RELCH: variants seen among roughly 807,000 people sequenced by gnomAD.
The protein encoded by RELCH is RAB11-binding protein RELCH.
In RELCH, 41 loss-of-function variants were observed where a neutral mutation model predicts 150.3. The ratio of observed to expected loss-of-function variants is 0.27; its 90% CI spans 0.21 to 0.35. RELCH has a LOEUF of 0.35. Ranked by LOEUF, RELCH falls within the 10% of genes least tolerant of loss-of-function variation. The probability of loss-of-function intolerance (pLI) is 1.00; values close to 1 mark genes in which losing one functional copy is unlikely to be tolerated. For missense variants in RELCH, 1,092 were observed against 1,467.8 expected (o/e 0.74, Z 4.18); for synonymous variants, 478 against 531.8 (o/e 0.90, Z 1.39).
At chr18:62,238,314 T>C (rs575716634) in intron 10 of RELCH, among the ~76,000 whole-genome samples, 144 of 152,126 alleles carry the variant, frequency 9.5e-4, no homozygotes, top group African/African-American at 3.2e-3. Flanking sequence ...AAGTAAAAGA[T>C]GGACTGATTT....
At chr18:62,239,004 A>G (rs2042009165) in intron 10 of RELCH, among the ~76,000 whole-genome samples, 1 of 152,118 alleles carries the variant, frequency 6.6e-6, no homozygotes, top group African/African-American at 2.4e-5. Context: ...TGTTTCCTTC[A>G]TGGAAACCTT....
intron 1 of RELCH, among the ~76,000 whole-genome samples, chr18:62,193,229 G>C (rs2148180880): frequency 6.6e-6 from 1 of 152,262 alleles, no homozygotes; most frequent in African/African-American, 2.4e-5. Flanking sequence ...TGTATCCTGA[G>C]ACTTTGCTGT....
chr18:62,280,477 G>C (rs749438760), intron 23 of RELCH, 169 bp from the exon 24 acceptor site: 3 of 1,583,160 alleles, frequency 1.9e-6, no homozygotes, highest in East Asian at 2.2e-5. Context: ...AAGTTATCCT[G>C]TCTGTCTTTT....
intron 1 of RELCH, among the ~76,000 whole-genome samples, chr18:62,192,212 C>T (rs930823187): frequency 3.3e-5 from 5 of 152,174 alleles, no homozygotes; most frequent in Admixed American, 2.6e-4. Context: ...AATGTCCATT[C>T]GTGTCCTTTG....
chr18:62,198,364 A>G (rs1387376311), intron 1 of RELCH, among the ~76,000 whole-genome samples: 1 of 152,172 alleles, frequency 6.6e-6, no homozygotes, highest in Non-Finnish European at 1.5e-5. Context: ...TGATCTAGTC[A>G]TGGAGCATGA....
chr18:62,288,703 C>T (rs138135371), intron 26 of RELCH, among the ~76,000 whole-genome samples: 9 of 152,102 alleles, frequency 5.9e-5, no homozygotes, highest in Admixed American at 5.9e-4. Context: ...CTATTCATGT[C>T]TTCTATAAGT....
At chr18:62,295,314 G>A (rs2045351538) in intron 27 of RELCH, among the ~76,000 whole-genome samples, 1 of 142,342 alleles carries the variant, frequency 7.0e-6, no homozygotes, top group African/African-American at 2.7e-5. Context: ...CCCCAGCCTG[G>A]TGTGTTTTTT....
At chr18:62,248,585 C>G (rs1439400525) in intron 11 of RELCH, among the ~76,000 whole-genome samples, 1 of 152,128 alleles carries the variant, frequency 6.6e-6, no homozygotes, top group South Asian at 2.1e-4. Context: ...ATATGCCATG[C>G]TTGATTTCTC....
chr18:62,282,092 A>G (rs1385124084), intron 24 of RELCH, among the ~76,000 whole-genome samples: 1 of 152,094 alleles, frequency 6.6e-6, no homozygotes, highest in African/African-American at 2.4e-5. Context: ...GTATTTTTTA[A>G]TTAAGAATTT....
intron 20 of RELCH, among the ~76,000 whole-genome samples, chr18:62,270,189 G>A (rs903396239): frequency 2.6e-5 from 4 of 152,098 alleles, no homozygotes; most frequent in African/African-American, 9.7e-5. Flanking sequence ...AGTGGCTAAC[G>A]CCTCCCAAGA....
At chr18:62,223,643 C>T (rs2041020767) in intron 5 of RELCH, among the ~76,000 whole-genome samples, 1 of 152,002 alleles carries the variant, frequency 6.6e-6, no homozygotes, top group South Asian at 2.1e-4. Context: ...ATTACAGGCT[C>T]ATTTCCTTTA....
chr18:62,207,162 A>T (rs757391538), intron 1 of RELCH, among the ~76,000 whole-genome samples: 1 of 152,054 alleles, frequency 6.6e-6, no homozygotes, highest in Non-Finnish European at 1.5e-5. Flanking sequence ...CTCAACCCCC[A>T]ATCACTAATC....
chr18:62,235,701 G>A (rs1318810066), intron 10 of RELCH, among the ~76,000 whole-genome samples: 1 of 151,866 alleles, frequency 6.6e-6, no homozygotes, highest in Non-Finnish European at 1.5e-5. Context: ...TGTTCTCTTG[G>A]ATGGTATTGT....
At chr18:62,269,298 C>G in intron 20 of RELCH, 1 of 361,436 alleles carries the variant, frequency 2.8e-6, no homozygotes, top group South Asian at 2.2e-5. Flanking sequence ...CTGTAGAACA[C>G]TATACCTTAT....
intron 4 of RELCH, 30 bp from the exon 5 acceptor site, chr18:62,221,354 T>C: frequency 6.5e-7 from 1 of 1,545,206 alleles, no homozygotes; most frequent in Non-Finnish European, 8.9e-7. Flanking sequence ...ATACTTATGA[T>C]TTCCTGTTTG....
At position 62,187,495 on chromosome 18, in the gene RELCH, G is replaced by T; in HGVS notation, c.-11G>T. 6.6e-7 allele frequency: 1 copy of T among 1,511,520 alleles called. No homozygotes were observed. Among genetic ancestry groups the T allele is most frequent in the South Asian group, 1.4e-5 (1 of 73,734 alleles). The allele number at this position is 1,511,520 out of a possible 1,614,324, so 93.6% of individuals were successfully genotyped here. On this transcript the variant is annotated 5_prime_UTR_variant, in exon 1 of 29. Coordinates refer to ENST00000644646, the MANE Select transcript of RELCH (RefSeq NM_001346231.2). ...CAGTCAGGGAGGCGCCCACACTCCT[G>T]ACAGGATAAGATGGCGGCGATGGCG...
chr18:62,309,247 T>TAA lies in RELCH; in HGVS notation c.*3714_*3715dup, dbSNP rs200982008. ...GAGACTACATCTCAAAAAAAAAAAA[T>TAA]AATAATAGAGACAAACTACTAATCA... is the stretch of plus-strand genomic sequence containing the variant. On this transcript the variant is annotated 3_prime_UTR_variant, in exon 29 of 29. Coordinates refer to ENST00000644646, the MANE Select transcript of RELCH (RefSeq NM_001346231.2). 3 of 148,676 alleles carry TAA rather than the reference T, an allele frequency of 2.0e-5. No individual in the cohort carries two copies. Among genetic ancestry groups the TAA allele is most frequent in the South Asian group, 2.1e-4 (1 of 4,750 alleles). 9.2% of individuals were successfully genotyped at this position (148,676 alleles called of 1,614,324 possible).
intron 22 of RELCH, chr18:62,277,735 A>T (rs573594357): frequency 2.0e-5 from 18 of 894,292 alleles, no homozygotes; most frequent in Non-Finnish European, 2.3e-5. Flanking sequence ...AATCAATCAT[A>T]TTATTCCCAT....
chr18:62,227,781 C>T lies in RELCH; in HGVS notation c.1154+92C>T, dbSNP rs17069628. The T allele has an allele frequency of 0.098, 56,123 of 572,872 alleles. 3,256 individuals carry two copies. Among genetic ancestry groups the T allele is most frequent in the Middle Eastern group, 0.2 (672 of 3,322 alleles). 35.5% of individuals were successfully genotyped at this position (572,872 alleles called of 1,614,324 possible). A position where few individuals can be genotyped will look rare whatever the true frequency, so the allele number is the denominator to read the frequency against. The stretch of plus-strand genomic sequence containing the variant: ...AATATATGAAACAATATTCCAGTTG[C>T]AAGGCATAATTGCTTCACATTTTAA... On this transcript the variant is annotated intron_variant, in intron 7 of 28. Coordinates refer to ENST00000644646, the MANE Select transcript of RELCH (RefSeq NM_001346231.2).
Sources: allele counts gnomAD v4.1 joint callset (sites outside exome capture counted in the v4.1 genomes callset), GRCh38; gene constraint gnomAD v4.1.1; transcripts MANE v1.5; gene names NCBI Gene and HGNC (gene_info 2026-07-23, HGNC 2026-07-21).